PCSK2: variants seen among roughly 807,000 people sequenced by gnomAD.
PCSK2 encodes the protein neuroendocrine convertase 2.
In PCSK2, 14 loss-of-function variants were observed where a neutral mutation model predicts 69.7. That is an observed-to-expected ratio of 0.20 (90% CI 0.13 to 0.31). PCSK2 has a LOEUF of 0.31. Among genes scored for constraint, PCSK2 ranks in the 10% least tolerant of loss-of-function variants. PCSK2 has a pLI of 1.00. For synonymous variants in PCSK2, 307 were observed against 320.7 expected (o/e 0.96, Z 0.46); for missense variants, 544 against 842.5 (o/e 0.65, Z 4.39).
chr20:17,369,310 A>T lies in PCSK2; in HGVS notation c.543+33A>T, dbSNP rs776250570. ...CAAGCCAACTTTGGTGGGGAAACAG[A>T]TGCATCTTAAATGTCCTGGTGTCCC... is the stretch of plus-strand genomic sequence containing the variant. On this transcript the variant is annotated intron_variant, in intron 5 of 11. Coordinates refer to ENST00000262545, the MANE Select transcript of PCSK2 (RefSeq NM_002594.5). 7 of 1,588,514 alleles carry T rather than the reference A, an allele frequency of 4.4e-6. No individual in the cohort carries two copies. The Admixed American group carries it at 1.0e-4, about 23-fold the overall frequency.
intron 2 of PCSK2, among the ~76,000 whole-genome samples, chr20:17,327,655 G>T (rs529739801): frequency 6.6e-6 from 1 of 152,314 alleles, no homozygotes; most frequent in South Asian, 2.1e-4. Flanking sequence ...CGAAGTCACC[G>T]AGCAGCTGCT....
chr20:17,226,923 C>A (rs138964154), upstream of PCSK2: 10,529 of 150,690 alleles, frequency 0.07, 650 homozygotes, highest in South Asian at 0.31. Context: ...CCCCCGCCCT[C>A]ATTGGCCGCT....
At chr20:17,330,894 A>G (rs2123151008) in intron 2 of PCSK2, among the ~76,000 whole-genome samples, 1 of 152,286 alleles carries the variant, frequency 6.6e-6, no homozygotes, top group Admixed American at 6.5e-5. Flanking sequence ...CAGGAAGCAG[A>G]AGCATAGCTG....
chr20:17,363,456 C>A (rs562457105), intron 4 of PCSK2, among the ~76,000 whole-genome samples: 1 of 152,272 alleles, frequency 6.6e-6, no homozygotes, highest in South Asian at 2.1e-4. Flanking sequence ...TAGATATTAG[C>A]AAGGACCCCA....
At chr20:17,436,993 C>A in intron 8 of PCSK2, 110 bp downstream of exon 8, 2 of 918,760 alleles carry the variant, frequency 2.2e-6, no homozygotes, top group Non-Finnish European at 3.2e-6. Flanking sequence ...GAGTCCAGGT[C>A]CTGCAGGAAT....
chr20:17,270,830 T>C (rs939275965), intron 2 of PCSK2, among the ~76,000 whole-genome samples: 2 of 152,092 alleles, frequency 1.3e-5, no homozygotes, highest in African/African-American at 2.4e-5. Flanking sequence ...AGAGTCCAAT[T>C]TGAGGTCATT....
chr20:17,267,417 C>T (rs1395299988), intron 2 of PCSK2, among the ~76,000 whole-genome samples: 1 of 152,190 alleles, frequency 6.6e-6, no homozygotes, highest in Non-Finnish European at 1.5e-5. Context: ...GAGGTATCTT[C>T]ATGGATGCCC....
intron 7 of PCSK2, among the ~76,000 whole-genome samples, chr20:17,435,793 A>G (rs1035326246): frequency 1.3e-5 from 2 of 152,130 alleles, no homozygotes; most frequent in African/African-American, 4.8e-5. Context: ...GAGGCATGTG[A>G]CCCCGTCAGC....
At chr20:17,230,894 A>G (rs1251217227) in intron 1 of PCSK2, among the ~76,000 whole-genome samples, 1 of 152,254 alleles carries the variant, frequency 6.6e-6, no homozygotes, top group Non-Finnish European at 1.5e-5. Context: ...AAAGCTTTCT[A>G]TTTTATCATG....
chr20:17,281,945 C>T (rs1467098222), intron 2 of PCSK2, among the ~76,000 whole-genome samples: 1 of 152,068 alleles, frequency 6.6e-6, no homozygotes, highest in Non-Finnish European at 1.5e-5. Context: ...GACTGTTGCC[C>T]TTAGGTACCT....
intron 5 of PCSK2, among the ~76,000 whole-genome samples, chr20:17,370,504 G>A (rs1051070598): frequency 1.3e-5 from 2 of 152,198 alleles, no homozygotes; most frequent in Non-Finnish European, 2.9e-5. Flanking sequence ...TCCAGCCAAT[G>A]TGGCCCCAGA....
intron 5 of PCSK2, among the ~76,000 whole-genome samples, chr20:17,396,961 G>A (rs1411434391): frequency 6.6e-6 from 1 of 152,154 alleles, no homozygotes; most frequent in Admixed American, 6.5e-5. Flanking sequence ...TAGGGCAGTT[G>A]CCTAAGTAGA....
At chr20:17,481,413 A>AAAAAAAAAAAAAAAGAG (rs113487407) in intron 11 of PCSK2, among the ~76,000 whole-genome samples, 171 bp from the exon 12 acceptor site, 3 of 115,820 alleles carry the variant, frequency 2.6e-5, no homozygotes, top group African/African-American at 1.2e-4. Flanking sequence ...AAAAAAAAAA[A>AAAAAAAAAAAAAAAGAG]AGAGATAAGT....
At chr20:17,478,951 A>C (rs769406736) in intron 11 of PCSK2, 1 of 608,158 alleles carries the variant, frequency 1.6e-6, no homozygotes, top group Non-Finnish European at 3.0e-6. Flanking sequence ...GCTTGCTTAC[A>C]ATATTCAGTT....
chr20:17,266,199 T>TC (rs1987593595), intron 2 of PCSK2, among the ~76,000 whole-genome samples: 1 of 152,196 alleles, frequency 6.6e-6, no homozygotes, highest in African/African-American at 2.4e-5. Flanking sequence ...ACTGTTCTGC[T>TC]CAATTTGCTT....
chr20:17,463,607 C>T (rs1031240954), intron 10 of PCSK2: 7 of 151,874 alleles, frequency 4.6e-5, no homozygotes, highest in Non-Finnish European at 7.4e-5. Context: ...TTGCTGCACC[C>T]ATTAACTCAT....
At position 17,247,193 on chromosome 20, in the gene PCSK2, T is replaced by G. The variant is rs192996588; in HGVS notation, c.178-13047T>G. Among the ~76,000 whole-genome samples, 8 of 152,278 alleles carry G rather than the reference T, an allele frequency of 5.3e-5. 1 individual carries two copies. The highest frequency in any genetic ancestry group is 3.9e-4 in the Admixed American group (6 of 15,290). ...CCAGCAGCCTACCCCAGACCTAAAT[T>G]CAAATGAGCTTCCCTTTCTCTCCCA... On this transcript the variant is annotated intron_variant, in intron 1 of 11. Transcript: ENST00000262545.
chr20:17,308,203 G>A (rs192633259), intron 2 of PCSK2, among the ~76,000 whole-genome samples: 1 of 152,180 alleles, frequency 6.6e-6, no homozygotes, highest in East Asian at 1.9e-4. Context: ...AGGAGATGGT[G>A]CTAAACTGTC....
chr20:17,350,014 C>T (rs79891776), intron 2 of PCSK2, among the ~76,000 whole-genome samples: 26,175 of 151,648 alleles, frequency 0.17, 2,525 homozygotes, highest in Non-Finnish European at 0.22. Context: ...CAGTCTCTGC[C>T]TCCTCCATCT....
Sources: allele counts gnomAD v4.1 joint callset (sites outside exome capture counted in the v4.1 genomes callset), GRCh38; gene constraint gnomAD v4.1.1; transcripts MANE v1.5; gene names NCBI Gene and HGNC (gene_info 2026-07-23, HGNC 2026-07-21).